L3MBTL1: variants seen among roughly 807,000 people sequenced by gnomAD.
The protein encoded by L3MBTL1 is L3MBTL histone methyl-lysine binding protein 1.
A neutral mutation model predicts 105.3 loss-of-function variants in L3MBTL1; 75 were observed. That is an observed-to-expected ratio of 0.71 (90% CI 0.59 to 0.86). The LOEUF is 0.86. Among genes scored for constraint, L3MBTL1 ranks in the 40% least tolerant of loss-of-function variants. L3MBTL1 has a pLI of 0.00. For synonymous variants in L3MBTL1, 452 were observed against 436.2 expected, an observed-to-expected ratio of 1.04 and a Z score of -0.45; for missense variants, 1,069 against 1,126.4, an observed-to-expected ratio of 0.95 and a Z score of 0.73.
intron 1 of L3MBTL1, among the ~76,000 whole-genome samples, chr20:43,512,522 T>C (rs1274965060): frequency 6.6e-6 from 1 of 152,232 alleles, no homozygotes; most frequent in Non-Finnish European, 1.5e-5. Context: ...CTGGTCACTA[T>C]TTAAATTTAA....
chr20:43,532,993 C>T, intron 12 of L3MBTL1, 69 bp downstream of exon 12: 1 of 1,520,834 alleles, frequency 6.6e-7, no homozygotes, highest in Non-Finnish European at 9.1e-7. Context: ...TTTCATATCT[C>T]AGGTACCATG....
At chr20:43,544,713 C>T (rs1420770569), downstream of L3MBTL1, among the ~76,000 whole-genome samples, 2 of 152,058 alleles carry the variant, frequency 1.3e-5, no homozygotes, top group Admixed American at 6.6e-5. Context: ...TCCTGTAATC[C>T]CAGCAATTTG....
At chr20:43,514,460 G>T (rs1290677376) in intron 3 of L3MBTL1, 175 bp from the exon 4 acceptor site, 22 of 1,507,170 alleles carry the variant, frequency 1.5e-5, no homozygotes, top group African/African-American at 2.8e-5. Context: ...TGGGGGCGTA[G>T]CCTGGAGTGA....
In L3MBTL1 at chr20:43,528,746, G is replaced by A; in HGVS notation, c.951+1G>A. 1.2e-6 allele frequency: 2 copies of A among 1,610,802 alleles called. No homozygotes were observed. The highest frequency in any genetic ancestry group is 1.7e-6 in the Non-Finnish European group (2 of 1,176,974). Reference sequence around the variant, plus strand: ...TGCTCCAGTCAGCCTCTTCCAGGACGTGAGTTGGACAATTTCCCCGTAGGA... The same window carrying A: ...TGCTCCAGTCAGCCTCTTCCAGGACATGAGTTGGACAATTTCCCCGTAGGA... On this transcript the variant is annotated splice_donor_variant, in intron 8 of 21. Transcript: ENST00000418998. LOFTEE classifies it high-confidence loss of function.
intron 7 of L3MBTL1, among the ~76,000 whole-genome samples, chr20:43,519,538 A>C (rs894981016): frequency 1.3e-5 from 2 of 152,190 alleles, no homozygotes; most frequent in Non-Finnish European, 2.9e-5. Context: ...TGGGAGCCTG[A>C]GGCAGGAGAA....
In L3MBTL1 at chr20:43,511,979, T is replaced by G. The variant is rs569873564; in HGVS notation, c.-28-1497T>G. Among the ~76,000 whole-genome samples the G allele has an allele frequency of 6.0e-5, 9 of 151,124 alleles. No individual in the cohort carries two copies. In the East Asian group the frequency reaches 1.6e-3, roughly 26 times the overall value. On this transcript the variant is annotated intron_variant, in intron 1 of 21. Transcript: ENST00000418998. ...TAGAAGGAAACCAGAGTCTGTTGAG[T>G]GGAGAGAACAGGGGAAGAGTGGTGG... is the stretch of plus-strand genomic sequence containing the variant.
chr20:43,546,610 C>T (rs954942315), downstream of L3MBTL1, among the ~76,000 whole-genome samples: 8 of 152,020 alleles, frequency 5.3e-5, no homozygotes, highest in Non-Finnish European at 1.2e-4. Context: ...GATGGCGTCT[C>T]CTCAAAAACA....
chr20:43,513,512 G>C lies in L3MBTL1; in HGVS notation c.9G>C (p.Gly3=). ME[G]HAEMEMLRTL... ...TGGAGGGGCATGCTGGGATGGAGGG[G>C]CATGCTGAAATGGAGATGCTGAGGA... is the stretch of plus-strand genomic sequence containing the variant. Residue 3 remains glycine (G), a synonymous_variant, in exon 2 of 22, where the codon GGG becomes GGC. Transcript: ENST00000418998. 1 of 1,550,706 alleles carries C rather than the reference G, an allele frequency of 6.4e-7. No individual in the cohort carries two copies. The highest frequency in any genetic ancestry group is 2.4e-5 in the East Asian group (1 of 40,924).
chr20:43,534,200 C>G, intron 14 of L3MBTL1, 84 bp from the exon 15 acceptor site: 1 of 1,533,514 alleles, frequency 6.5e-7, no homozygotes, highest in Non-Finnish European at 9.0e-7. Context: ...CCCAGTTTCC[C>G]CAGGCACAGC....
At position 43,528,349 on chromosome 20, in the gene L3MBTL1, A is replaced by G. The variant is rs146298275; in HGVS notation, c.863-308A>G. On this transcript the variant is annotated intron_variant, in intron 7 of 21. Transcript: ENST00000418998. ...ACTCAGCTTTGTCATGTCAGAGGAC[A>G]GGGTCCCTCTGTGGCTGAGACTTTG... is the stretch of plus-strand genomic sequence containing the variant. 1.2e-3 allele frequency among the ~76,000 whole-genome samples: 183 copies of G among 152,352 alleles called. 2 individuals are homozygous for G. The highest frequency in any genetic ancestry group is 6.8e-3 in the Middle Eastern group (2 of 294).
intron 7 of L3MBTL1, among the ~76,000 whole-genome samples, chr20:43,521,310 T>A (rs1568920780): frequency 1.3e-5 from 2 of 152,190 alleles, no homozygotes; most frequent in Non-Finnish European, 2.9e-5. Flanking sequence ...CTGTAGACAT[T>A]GTAGTGAAAG....
At chr20:43,518,636 C>T (rs1250498078) in intron 7 of L3MBTL1, among the ~76,000 whole-genome samples, 2 of 151,992 alleles carry the variant, frequency 1.3e-5, no homozygotes, top group African/African-American at 4.8e-5. Context: ...CCAGTGGACG[C>T]TTGAAACCAT....
chr20:43,520,656 C>T (rs1335761185), intron 7 of L3MBTL1, among the ~76,000 whole-genome samples: 1 of 152,160 alleles, frequency 6.6e-6, no homozygotes, highest in African/African-American at 2.4e-5. Context: ...ATGATGTTAG[C>T]ATGTTTTCAT....
chr20:43,528,053 C>T (rs1003317806), intron 7 of L3MBTL1, among the ~76,000 whole-genome samples: 2 of 152,076 alleles, frequency 1.3e-5, no homozygotes, highest in Admixed American at 1.3e-4. Context: ...CCACCACGCC[C>T]AACTAATTTT....
intron 1 of L3MBTL1, among the ~76,000 whole-genome samples, chr20:43,511,566 G>A (rs1273523493): frequency 1.3e-5 from 2 of 152,176 alleles, no homozygotes; most frequent in African/African-American, 2.4e-5. Flanking sequence ...CGGATCACCT[G>A]AGGTCAGGAG....
At chr20:43,538,277 T>G (rs563305574) in intron 19 of L3MBTL1, among the ~76,000 whole-genome samples, 17 of 152,204 alleles carry the variant, frequency 1.1e-4, no homozygotes, top group Non-Finnish European at 1.3e-4. Context: ...CAGAGGGCAC[T>G]TGCCTACTGT....
intron 16 of L3MBTL1, among the ~76,000 whole-genome samples, chr20:43,535,601 C>T (rs2019563220): frequency 6.6e-6 from 1 of 152,210 alleles, no homozygotes; most frequent in South Asian, 2.1e-4. Context: ...CTCTCAGAGA[C>T]TGAGGGCATA....
chr20:43,515,490 T>C, intron 6 of L3MBTL1, 75 bp downstream of exon 6: 1 of 1,499,870 alleles, frequency 6.7e-7, no homozygotes, highest in South Asian at 1.2e-5. Flanking sequence ...CCTCCATCAA[T>C]CCAGATTATG....
chr20:43,534,239 C>G, intron 14 of L3MBTL1, 45 bp from the exon 15 acceptor site: 2 of 1,582,902 alleles, frequency 1.3e-6, no homozygotes, highest in Non-Finnish European at 1.7e-6. Flanking sequence ...GGGCTCAGCT[C>G]TGCTGAGCTG....
Sources: gnomAD v4.1 joint callset for allele counts (sites outside exome capture counted in the v4.1 genomes callset) on GRCh38, gnomAD v4.1.1 for gene constraint, MANE v1.5 for transcripts, NCBI Gene and HGNC (gene_info 2026-07-23, HGNC 2026-07-21) for gene names.